SPMIP2: variants seen among roughly 807,000 people sequenced by gnomAD.
SPMIP2 encodes sperm microtubule inner protein 2, also known as protein SPMIP2.
At chr4:159,037,815 CACACACACACACAT>C in the SPMIP2 span, among the ~76,000 whole-genome samples, 10 of 142,242 alleles carry the variant, frequency 7.0e-5, no homozygotes, top group Non-Finnish European at 1.2e-4. Context: ...CACACACACA[CACACACACACACAT>C]ATATATATGT....
chr4:158,957,172 A>T, the SPMIP2 span, among the ~76,000 whole-genome samples: 1 of 152,154 alleles, frequency 6.6e-6, no homozygotes, highest in East Asian at 1.9e-4. Flanking sequence ...TTCCAGAATG[A>T]TCTTAACAAA....
the SPMIP2 span, among the ~76,000 whole-genome samples, chr4:158,948,735 G>T: frequency 5.8e-4 from 88 of 151,976 alleles, no homozygotes; most frequent in Non-Finnish European, 1.0e-3. Context: ...ACCTCAAGTA[G>T]CTGGGACTAC....
the SPMIP2 span, among the ~76,000 whole-genome samples, chr4:158,897,434 T>C: frequency 1.3e-5 from 2 of 152,226 alleles, no homozygotes; most frequent in African/African-American, 4.8e-5. Context: ...TCCACAGTGA[T>C]TGAACTAATT....
chr4:159,065,084 C>A, the SPMIP2 span, among the ~76,000 whole-genome samples: 2 of 152,302 alleles, frequency 1.3e-5, no homozygotes, highest in African/African-American at 4.8e-5. Flanking sequence ...CACATTATAC[C>A]TGTTCACATA....
chr4:158,907,444 TC>T, the SPMIP2 span: 1 of 152,230 alleles, frequency 6.6e-6, no homozygotes, highest in African/African-American at 2.4e-5. Flanking sequence ...GGGAGAAAAA[TC>T]CCCGCTTGCT....
the SPMIP2 span, among the ~76,000 whole-genome samples, chr4:159,037,783 TATACACACACACACACACAC>T: frequency 5.1e-5 from 5 of 97,692 alleles, no homozygotes; most frequent in African/African-American, 1.8e-4. Context: ...AAAAACAATA[TATACACACACACACACACAC>T]ACACACACAC....
chr4:158,988,040 T>TA, the SPMIP2 span, among the ~76,000 whole-genome samples: 18 of 151,746 alleles, frequency 1.2e-4, no homozygotes, highest in Non-Finnish European at 2.5e-4. Flanking sequence ...ATAGATGCAA[T>TA]AAAAAATGAT....
At chr4:159,005,028 C>T in the SPMIP2 span, among the ~76,000 whole-genome samples, 4 of 151,940 alleles carry the variant, frequency 2.6e-5, no homozygotes, top group Non-Finnish European at 4.4e-5. Context: ...GTCAGGAGTT[C>T]GACATCAGCC....
chr4:159,019,313 A>AAT, the SPMIP2 span, among the ~76,000 whole-genome samples: 3,794 of 150,422 alleles, frequency 0.025, 183 homozygotes, highest in African/African-American at 0.086. Flanking sequence ...AAAAAAAAAA[A>AAT]AGCAAACCAT....
the SPMIP2 span, chr4:158,960,316 T>G: frequency 1.9e-6 from 3 of 1,568,736 alleles, no homozygotes; most frequent in African/African-American, 2.7e-5. Flanking sequence ...GGTTATTGAA[T>G]CAAGAGAAGC....
chr4:159,048,206 T>G, the SPMIP2 span, among the ~76,000 whole-genome samples: 1 of 152,106 alleles, frequency 6.6e-6, no homozygotes, highest in East Asian at 1.9e-4. Flanking sequence ...AGGACATAAT[T>G]GACCGTTTTG....
chr4:158,893,788 A>G, the SPMIP2 span: 1 of 1,014,864 alleles, frequency 9.9e-7, no homozygotes, highest in South Asian at 1.4e-5. Flanking sequence ...TTTATATTTC[A>G]TTCTATAATA....
the SPMIP2 span, among the ~76,000 whole-genome samples, chr4:158,999,691 G>A: frequency 2.0e-5 from 3 of 152,178 alleles, no homozygotes; most frequent in Non-Finnish European, 4.4e-5. Flanking sequence ...CTGAAATAAA[G>A]TGACTCCTTA....
At chr4:158,944,681 C>G in the SPMIP2 span, among the ~76,000 whole-genome samples, 2 of 152,210 alleles carry the variant, frequency 1.3e-5, no homozygotes, top group Admixed American at 1.3e-4. Flanking sequence ...TTCTTCCATG[C>G]TGTGTCTGAG....
the SPMIP2 span, among the ~76,000 whole-genome samples, chr4:158,966,459 G>A: frequency 1.3e-5 from 2 of 152,186 alleles, no homozygotes; most frequent in Non-Finnish European, 2.9e-5. Flanking sequence ...GGCTCACACA[G>A]AAGTTTCAGA....
At chr4:159,073,041 T>A in the SPMIP2 span, among the ~76,000 whole-genome samples, 1 of 152,164 alleles carries the variant, frequency 6.6e-6, no homozygotes, top group African/African-American at 2.4e-5. Flanking sequence ...TCTAATGGAG[T>A]GTAATCCCAT....
chr4:159,067,760 T>A, the SPMIP2 span, among the ~76,000 whole-genome samples: 1 of 152,092 alleles, frequency 6.6e-6, no homozygotes, highest in Non-Finnish European at 1.5e-5. Flanking sequence ...AACCTACTCA[T>A]CTGACAAAGG....
At chr4:158,987,857 A>T in the SPMIP2 span, among the ~76,000 whole-genome samples, 4 of 152,052 alleles carry the variant, frequency 2.6e-5, no homozygotes, top group African/African-American at 9.7e-5. Flanking sequence ...AGAGCAAACA[A>T]ATTCAAAAGC....
chr4:158,950,741 C>G, the SPMIP2 span, among the ~76,000 whole-genome samples: 3 of 152,208 alleles, frequency 2.0e-5, no homozygotes, highest in African/African-American at 7.2e-5. Context: ...ACTAAAAACA[C>G]AAAAATTAGC....
Sources: gnomAD v4.1 joint callset for allele counts (sites outside exome capture counted in the v4.1 genomes callset) on GRCh38, gnomAD v4.1.1 for gene constraint, MANE v1.5 for transcripts, NCBI Gene and HGNC (gene_info 2026-07-23, HGNC 2026-07-21) for gene names.